The following ARHGAP27 variants were observed in gnomAD, a reference collection of about 807,000 sequenced individuals.
ARHGAP27 encodes the protein rho GTPase-activating protein 27.
In ARHGAP27, 53 loss-of-function variants were observed where a neutral mutation model predicts 102.0. The observed-to-expected ratio is 0.52, with a 90% CI of 0.42 to 0.65. The LOEUF is 0.65. Among genes scored for constraint, ARHGAP27 ranks in the 30% least tolerant of loss-of-function variants. The pLI is 0.00. For synonymous variants in ARHGAP27, 525 were observed against 542.8 expected, an observed-to-expected ratio of 0.97 and a Z score of 0.46; for missense variants, 1,117 against 1,256.2, an observed-to-expected ratio of 0.89 and a Z score of 1.68.
chr17:45,411,631 C>T (rs965217126), intron 4 of ARHGAP27, among the ~76,000 whole-genome samples: 1 of 152,088 alleles, frequency 6.6e-6, no homozygotes. Context: ...TACCAGTGTC[C>T]CATCCCCTGT....
chr17:45,426,592 A>G (rs2049625468), intron 4 of ARHGAP27, among the ~76,000 whole-genome samples: 1 of 139,900 alleles, frequency 7.1e-6, no homozygotes, highest in Non-Finnish European at 1.5e-5. Flanking sequence ...GTGCCATGCC[A>G]TCCCCACATC....
chr17:45,424,394 C>A (rs2049340385), intron 4 of ARHGAP27, among the ~76,000 whole-genome samples: 2 of 152,252 alleles, frequency 1.3e-5, no homozygotes, highest in South Asian at 4.1e-4. Context: ...CGGCACAGAT[C>A]CAGCTCCCAA....
At chr17:45,396,629 CCCGGT>C (rs775420614) in intron 15 of ARHGAP27, 34 bp downstream of exon 15, 1 of 1,612,136 alleles carries the variant, frequency 6.2e-7, no homozygotes, top group Admixed American at 1.7e-5. Context: ...TGCGCCCCGT[CCCGGT>C]CCCGGGTCCC....
chr17:45,431,499 G>C, intron 3 of ARHGAP27, 122 bp downstream of exon 3: 1 of 209,516 alleles, frequency 4.8e-6, no homozygotes. Context: ...GGTGTAAACT[G>C]AGTCACTAAG....
chr17:45,405,393 G>T (rs1305799748), intron 5 of ARHGAP27, among the ~76,000 whole-genome samples: 1 of 151,170 alleles, frequency 6.6e-6, no homozygotes, highest in African/African-American at 2.4e-5. Context: ...CTTAGAGGTA[G>T]CCCCACCCAT....
At chr17:45,425,284 C>T (rs1179305836) in intron 4 of ARHGAP27, among the ~76,000 whole-genome samples, 1 of 152,018 alleles carries the variant, frequency 6.6e-6, no homozygotes, top group Non-Finnish European at 1.5e-5. Context: ...GCTAGAGTCC[C>T]TTCAACTTGG....
At chr17:45,415,213 A>G (rs530763494) in intron 4 of ARHGAP27, among the ~76,000 whole-genome samples, 1 of 151,688 alleles carries the variant, frequency 6.6e-6, no homozygotes. Context: ...GCCTTCTACC[A>G]CTTCCTTGAT....
intron 4 of ARHGAP27, among the ~76,000 whole-genome samples, chr17:45,416,185 A>C (rs2048433033): frequency 6.6e-6 from 1 of 151,754 alleles, no homozygotes; most frequent in Admixed American, 6.6e-5. Context: ...AGCTGGGACT[A>C]CAGGCGCACG....
rs1249833695 is a variant in ARHGAP27, at chr17:45,425,383, T to C, written c.657+4240A>G. Among the ~76,000 whole-genome samples the C allele has an allele frequency of 2.6e-5, 4 of 152,104 alleles. No individual in the cohort carries two copies. The East Asian group carries it at 7.7e-4, about 29-fold the overall frequency. On this transcript the variant is annotated intron_variant, in intron 4 of 19. Transcript: ENST00000685559. ...ACAGGAGGGTCTGTCCCAAGGCCAG[T>C]TCCTTTCTCTCAGTCACAGTGGCCT... is the stretch of plus-strand genomic sequence containing the variant.
At chr17:45,396,176 C>G in intron 17 of ARHGAP27, 31 bp downstream of exon 17, 2 of 1,594,904 alleles carry the variant, frequency 1.3e-6, no homozygotes, top group South Asian at 2.3e-5. Flanking sequence ...CGCCTTCAGG[C>G]CCTGGGGCAG....
chr17:45,395,452 G>C lies in ARHGAP27; in HGVS notation c.*4C>G, dbSNP rs2045480215. ...CGGCCGCCGCCCCAGTCACAGGCCA[G>C]CAGTCAGTGCGGCGGGAAGATGTCC... On this transcript the variant is annotated 3_prime_UTR_variant, in exon 20 of 20. Coordinates refer to ENST00000685559, the MANE Select transcript of ARHGAP27 (RefSeq NM_001282290.2). The C allele has an allele frequency of 6.4e-7, 1 of 1,560,968 alleles. No homozygotes were observed. Among genetic ancestry groups the C allele is most frequent in the African/African-American group, 1.4e-5 (1 of 73,642 alleles).
chr17:45,404,575 A>G, intron 7 of ARHGAP27, 26 bp downstream of exon 7: 1 of 1,613,778 alleles, frequency 6.2e-7, no homozygotes, highest in Non-Finnish European at 8.5e-7. Flanking sequence ...TCTCTCCCCA[A>G]CACCCCCCTT....
intron 4 of ARHGAP27, among the ~76,000 whole-genome samples, chr17:45,412,962 C>CT (rs36233058): frequency 0.013 from 549 of 41,134 alleles, 178 homozygotes; most frequent in East Asian, 0.024. Context: ...TCAGTATAAT[C>CT]TTTTTTTTTT....
At chr17:45,423,612 T>C (rs1334252016) in intron 4 of ARHGAP27, among the ~76,000 whole-genome samples, 2 of 152,172 alleles carry the variant, frequency 1.3e-5, no homozygotes, top group African/African-American at 4.8e-5. Context: ...ATATCTTCCA[T>C]ACCATAACTG....
chr17:45,410,457 TGA>T, intron 4 of ARHGAP27: 1 of 1,349,778 alleles, frequency 7.4e-7, no homozygotes, highest in Non-Finnish European at 9.5e-7. Flanking sequence ...AAGTGCTGCC[TGA>T]GTTGGGGCGG....
At position 45,396,998 on chromosome 17, in the gene ARHGAP27, G is replaced by A. The variant is rs1258359200; in HGVS notation, c.1869C>T (p.Ser623=). The change falls in exon 14 of 20, where the codon AGC becomes AGT. Residue 623 remains serine, a synonymous_variant. Transcript: ENST00000685559. ...ACCCGAAGTCCACTCTGCTGCTCTC[G>A]CTCTCCTCTGGGGGCAGCTCTGCGG... ...ELSAELPPEE[S]ESSRVDFGSS... The A allele has an allele frequency of 9.4e-6, 15 of 1,604,236 alleles. No homozygotes were observed. The highest frequency in any genetic ancestry group is 1.6e-4 in the Middle Eastern group (1 of 6,084).
At chr17:45,402,396 C>A (rs1255932759) in intron 12 of ARHGAP27, among the ~76,000 whole-genome samples, 2 of 152,178 alleles carry the variant, frequency 1.3e-5, no homozygotes, top group Admixed American at 1.3e-4. Context: ...ATGTTAGAAA[C>A]AAAGGACAGG....
chr17:45,402,967 C>A (rs1307890231), intron 11 of ARHGAP27, 149 bp from the exon 12 acceptor site: 15 of 712,750 alleles, frequency 2.1e-5, no homozygotes, highest in Non-Finnish European at 3.3e-5. Context: ...ACCCAGAGAC[C>A]CTGATGCTTC....
intron 4 of ARHGAP27, among the ~76,000 whole-genome samples, chr17:45,418,573 C>T (rs2048714733): frequency 6.6e-6 from 1 of 152,242 alleles, no homozygotes; most frequent in Non-Finnish European, 1.5e-5. Context: ...GTTCCTCTCC[C>T]TTTCAGACAC....
Sources: gnomAD v4.1 joint callset for allele counts (sites outside exome capture counted in the v4.1 genomes callset) on GRCh38, gnomAD v4.1.1 for gene constraint, MANE v1.5 for transcripts, NCBI Gene and HGNC (gene_info 2026-07-23, HGNC 2026-07-21) for gene names.